The following EFEMP2 variants were observed in gnomAD, a reference collection of about 807,000 sequenced individuals.
The protein encoded by EFEMP2 is EGF-containing fibulin-like extracellular matrix protein 2.
In EFEMP2, 21 loss-of-function variants were observed where a neutral mutation model predicts 55.3. The ratio of observed to expected loss-of-function variants is 0.38; its 90% confidence interval spans 0.27 to 0.55. The LOEUF (loss-of-function observed/expected upper bound fraction) is 0.55. EFEMP2 is among the 20% of genes least tolerant of loss of function. The pLI, the probability that EFEMP2 is intolerant of heterozygous loss-of-function variation, is 0.77. For missense variants in EFEMP2, 513 were observed against 615.1 expected (o/e 0.83, Z 1.76); for synonymous variants, 275 against 242.3 (o/e 1.14, Z -1.25).
intron 10 of EFEMP2, 172 bp from the exon 11 acceptor site, chr11:65,867,251 AC>A: frequency 1.4e-6 from 1 of 704,566 alleles, no homozygotes; most frequent in South Asian, 1.8e-5. Context: ...TCTCCTCCCC[AC>A]CCAGGCTCCT....
chr11:65,868,336 G>A lies in EFEMP2; in HGVS notation c.933C>T (p.Asp311=), dbSNP rs1176382984. The A allele has an allele frequency of 1.9e-6, 3 of 1,613,730 alleles. No individual in the cohort carries two copies. The highest frequency in any genetic ancestry group is 2.2e-5 in the East Asian group (1 of 44,892). ...VNFHGGYRCV[D]TNRCVEPYIQ... is the part of the protein sequence containing the mutation. ...TGTAGGGCTCCACGCAGCGGTTGGT[G>A]TCCACGCAGCGGTAGCCCCCATGGA... is the stretch of plus-strand genomic sequence containing the variant. The change falls in exon 9 of 11, where the codon GAC becomes GAT. Residue 311 remains aspartate, a synonymous_variant. Transcript: ENST00000307998.
chr11:65,867,161 C>T (rs917603325), intron 10 of EFEMP2, 82 bp from the exon 11 acceptor site: 123 of 1,573,680 alleles, frequency 7.8e-5, no homozygotes, highest in Non-Finnish European at 9.7e-5. Flanking sequence ...CTCCCTGCCC[C>T]GTGGCCGTGA....
intron 10 of EFEMP2, 86 bp downstream of exon 10, chr11:65,867,775 T>G: frequency 6.8e-7 from 1 of 1,474,338 alleles, no homozygotes; most frequent in Non-Finnish European, 9.4e-7. Context: ...GGGTGGGGCA[T>G]AGCAGCCTGG....
chr11:65,870,002 G>A (rs1859936711), intron 6 of EFEMP2, 26 bp from the exon 7 acceptor site: 2 of 1,613,422 alleles, frequency 1.2e-6, no homozygotes, highest in Non-Finnish European at 1.7e-6. Context: ...AAAACAGGAG[G>A]GATGAAAGCG....
At chr11:65,871,688 G>A (rs928050836) in intron 3 of EFEMP2, 2 of 598,702 alleles carry the variant, frequency 3.3e-6, no homozygotes, top group African/African-American at 3.7e-5. Context: ...GTTGTGATGA[G>A]ACAAAGAGCT....
chr11:65,868,246 C>T (rs765407883), intron 9 of EFEMP2, 49 bp downstream of exon 9: 2 of 1,611,426 alleles, frequency 1.2e-6, no homozygotes, highest in South Asian at 1.1e-5. Flanking sequence ...GCCCCAAAGC[C>T]CCCTGGGAGA....
In EFEMP2 at chr11:65,867,916, G is replaced by A; in HGVS notation, c.1115C>T (p.Ala372Val). The change falls in exon 10 of 11, where the codon GCC (alanine) becomes GTC (valine). Residue 372 changes from alanine to valine, a missense_variant. Transcript: ENST00000307998. ...AGCACGGATCTGAAAGGCATTGTAG[G>A]CACCGGGGTAGACGGAGGTCGCCTG... ...QIQATSVYPGAYNAFQIRAGN... is the reference protein window; with the variant it reads ...QIQATSVYPGVYNAFQIRAGN... 6.2e-7 allele frequency: 1 copy of A among 1,614,112 alleles called. No individual in the cohort carries two copies. The highest frequency in any genetic ancestry group is 8.5e-7 in the Non-Finnish European group (1 of 1,180,036).
chr11:65,867,749 C>T (rs1591065340), intron 10 of EFEMP2, 112 bp downstream of exon 10: 1 of 1,194,420 alleles, frequency 8.4e-7, no homozygotes, highest in Non-Finnish European at 1.2e-6. Context: ...CCTCCGGGGG[C>T]GGGGCTTTGG....
intron 10 of EFEMP2, chr11:65,867,394 A>G (rs1191930385): frequency 2.0e-6 from 1 of 495,488 alleles, no homozygotes; most frequent in African/African-American, 1.9e-5. Context: ...CAAAGTGAGC[A>G]GACTCCCTTC....
intron 7 of EFEMP2, 195 bp from the exon 8 acceptor site, chr11:65,868,824 C>G (rs1216185580): frequency 3.0e-6 from 2 of 669,744 alleles, no homozygotes; most frequent in Non-Finnish European, 5.2e-6. Flanking sequence ...AGCTCACAGA[C>G]TTCTCTCTGC....
chr11:65,869,672 C>T, intron 7 of EFEMP2, 185 bp downstream of exon 7: 1 of 845,558 alleles, frequency 1.2e-6, no homozygotes, highest in East Asian at 2.5e-5. Context: ...AGCTGCCTCT[C>T]CTTGTGCCTC....
intron 7 of EFEMP2, chr11:65,868,947 T>C (rs1178525813): frequency 2.5e-6 from 1 of 394,518 alleles, no homozygotes; most frequent in East Asian, 6.0e-5. Context: ...ATGAGTGTGT[T>C]AGACTAGATG....
At position 65,867,883 on chromosome 11, in the gene EFEMP2, G is replaced by A; in HGVS notation, c.1148C>T (p.Ser383Leu). The A allele has an allele frequency of 6.2e-7, 1 of 1,614,146 alleles. No individual in the cohort carries two copies. Among genetic ancestry groups the A allele is most frequent in the Non-Finnish European group, 8.5e-7 (1 of 1,180,036 alleles). The change falls in exon 10 of 11, where the codon TCG becomes TTG. Residue 383 changes from serine to leucine, a missense_variant. Ser to Leu is a moderately radical substitution (Grantham distance 145, BLOSUM62 -2). Coordinates refer to ENST00000307998, the MANE Select transcript of EFEMP2 (RefSeq NM_016938.5). Reference protein sequence around the residue: ...YNAFQIRAGNSQGDFYIRQIN... With the variant: ...YNAFQIRAGNLQGDFYIRQIN... ...TACCCTAATGTAAAAGTCCCCCTGC[G>A]AGTTTCCAGCACGGATCTGAAAGGC...
chr11:65,867,576 G>T, intron 10 of EFEMP2: 1 of 503,628 alleles, frequency 2.0e-6, no homozygotes, highest in Non-Finnish European at 3.6e-6. Context: ...CTGACCCCAG[G>T]GCCCTGCACA....
chr11:65,872,461 C>A, intron 1 of EFEMP2, 100 bp from the exon 2 acceptor site: 1 of 842,510 alleles, frequency 1.2e-6, no homozygotes, highest in South Asian at 1.5e-5. Context: ...CCGCTCAGGA[C>A]CGTGCTTGGG....
In EFEMP2 at chr11:65,870,219, T is replaced by A. The variant is rs1247980345; in HGVS notation, c.509A>T (p.Tyr170Phe). 3 of 1,613,326 alleles carry A rather than the reference T, an allele frequency of 1.9e-6. No homozygotes were observed. The highest frequency in any genetic ancestry group is 2.5e-6 in the Non-Finnish European group (3 of 1,179,978). Residue 170 changes from tyrosine to phenylalanine, a missense_variant, in exon 6 of 11, where the codon TAC (tyrosine) becomes TTC (phenylalanine). Physicochemically the swap from Tyr to Phe is conservative, Grantham distance 22 (BLOSUM62 3). Transcript: ENST00000307998. ...CACGCAGCGGTGCTGGCAGTAGCGG[T>A]AGCGGCACTCGTCTATGTCTAGGGA... Reference protein sequence around the residue: ...PECVDIDECRYRYCQHRCVNL... With the variant: ...PECVDIDECRFRYCQHRCVNL...
At chr11:65,871,136 A>T in intron 4 of EFEMP2, 21 bp downstream of exon 4, 1 of 1,613,722 alleles carries the variant, frequency 6.2e-7, no homozygotes, top group Non-Finnish European at 8.5e-7. Context: ...GAAGCCAGGC[A>T]CCAGAGCAGT....
chr11:65,867,599 G>A, intron 10 of EFEMP2: 1 of 532,260 alleles, frequency 1.9e-6, no homozygotes, highest in Non-Finnish European at 3.4e-6. Context: ...CCATTCCCTT[G>A]GTTTGTGGGT....
chr11:65,868,041 C>T lies in EFEMP2; in HGVS notation c.990G>A (p.Pro330=), dbSNP rs61740381. The T allele has an allele frequency of 1.7e-4, 271 of 1,613,722 alleles. 2 individuals are homozygous for T. In the African/African-American group the frequency reaches 2.6e-3, roughly 16 times the overall value. Residue 330 remains proline, a synonymous_variant, in exon 10 of 11, where the codon CCG becomes CCA. Transcript: ENST00000307998. The stretch of plus-strand genomic sequence containing the variant: ...GCTCTCGACATAGAGGGTTGGAGGC[C>T]GGGCAGAGACAGCGGCTAGAGACCC... ...IQVSENRCLC[P]ASNPLCREQP...
Sources: allele counts gnomAD v4.1 joint callset, GRCh38; gene constraint gnomAD v4.1.1; transcripts MANE v1.5; gene names NCBI Gene and HGNC (gene_info 2026-07-23, HGNC 2026-07-21).